MLLT3: variants seen among roughly 807,000 people sequenced by gnomAD.
The protein encoded by MLLT3 is protein AF-9.
MLLT3 carries 4 observed loss-of-function variants against 53.2 expected under a neutral mutation model. The ratio of observed to expected loss-of-function variants is 0.08; its 90% CI spans 0.04 to 0.17. MLLT3 has a LOEUF of 0.17. MLLT3 is among the 10% of genes least tolerant of loss of function. The probability of loss-of-function intolerance (pLI) is 1.00; values close to 1 mark genes in which losing one functional copy is unlikely to be tolerated. For missense variants in MLLT3, 569 were observed against 684.0 expected, an observed-to-expected ratio of 0.83 and a Z score of 1.87; for synonymous variants, 283 against 230.6, an observed-to-expected ratio of 1.23 and a Z score of -2.06.
At chr9:20,480,001 G>GT (rs1415537599) in intron 2 of MLLT3, among the ~76,000 whole-genome samples, 1 of 152,050 alleles carries the variant, frequency 6.6e-6, no homozygotes, top group Admixed American at 6.6e-5. Context: ...TATGCTTCTG[G>GT]TATTACTGCA....
At position 20,342,417 on chromosome 9, in the gene MLLT3, C is replaced by T. The variant is rs1233001384; in HGVS notation, c.*4026G>A. 1 of 222,532 alleles carries T rather than the reference C, an allele frequency of 4.5e-6. No homozygotes were observed. Among genetic ancestry groups the T allele is most frequent in the African/African-American group, 2.2e-5 (1 of 44,688 alleles). The allele number at this position is 222,532 out of a possible 1,614,324, so 13.8% of individuals were successfully genotyped here. A position where few individuals can be genotyped will look rare whatever the true frequency, so the allele number is the denominator to read the frequency against. On this transcript the variant is annotated 3_prime_UTR_variant, in exon 11 of 11. Transcript: ENST00000380338. Reference sequence around the variant, plus strand: ...TGACAGATTTATAAAATGTATTGGCCTTGCACTGTTAATCTCAATAATACA... The same window carrying T: ...TGACAGATTTATAAAATGTATTGGCTTTGCACTGTTAATCTCAATAATACA...
intron 2 of MLLT3, among the ~76,000 whole-genome samples, chr9:20,542,142 G>A (rs1402427890): frequency 1.3e-5 from 2 of 152,062 alleles, no homozygotes; most frequent in African/African-American, 4.8e-5. Context: ...CTGTAGAATG[G>A]GTGTTGTGTT....
intron 2 of MLLT3, among the ~76,000 whole-genome samples, chr9:20,619,119 A>T (rs1466783516): frequency 6.6e-6 from 1 of 152,180 alleles, no homozygotes; most frequent in African/African-American, 2.4e-5. Context: ...CAGCGATAGA[A>T]ATTTGACATC....
intron 4 of MLLT3, among the ~76,000 whole-genome samples, chr9:20,438,118 G>C (rs1823450787): frequency 6.6e-6 from 1 of 152,152 alleles, no homozygotes; most frequent in African/African-American, 2.4e-5. Flanking sequence ...CTAAACCTTT[G>C]AAAGAACATG....
chr9:20,613,134 T>A (rs1299340768), intron 2 of MLLT3, among the ~76,000 whole-genome samples: 2 of 152,092 alleles, frequency 1.3e-5, no homozygotes, highest in Non-Finnish European at 2.9e-5. Context: ...TGTGGACAGG[T>A]TCAGAAACAG....
chr9:20,402,480 C>G (rs568151546), intron 5 of MLLT3, among the ~76,000 whole-genome samples: 1 of 152,128 alleles, frequency 6.6e-6, no homozygotes, highest in Non-Finnish European at 1.5e-5. Context: ...ACTGAAGAAC[C>G]TGGAGGGTGG....
intron 10 of MLLT3, among the ~76,000 whole-genome samples, chr9:20,347,230 T>G (rs1177147901): frequency 1.3e-5 from 2 of 152,182 alleles, no homozygotes; most frequent in Non-Finnish European, 2.9e-5. Context: ...ATGTTGTCAC[T>G]TGGTGAAAAT....
chr9:20,584,307 G>T (rs1157448076), intron 2 of MLLT3, among the ~76,000 whole-genome samples: 1 of 152,118 alleles, frequency 6.6e-6, no homozygotes, highest in Non-Finnish European at 1.5e-5. Flanking sequence ...AAGTCTCTAG[G>T]AAGTTCCAAA....
chr9:20,407,369 G>A (rs574738034), intron 5 of MLLT3, among the ~76,000 whole-genome samples: 2 of 152,296 alleles, frequency 1.3e-5, no homozygotes, highest in South Asian at 4.1e-4. Context: ...TATTTTAAGT[G>A]AGGATGTGTA....
In MLLT3 at chr9:20,347,770, T is replaced by C. The variant is rs181697167; in HGVS notation, c.1576-1196A>G. Among the ~76,000 whole-genome samples, 15 of 152,288 alleles carry C rather than the reference T, an allele frequency of 9.8e-5. No homozygotes were observed. The East Asian group carries it at 2.3e-3, about 23-fold the overall frequency. On this transcript the variant is annotated intron_variant, in intron 10 of 10. Transcript: ENST00000380338. ...ACCTGATTTGAGTTGTCTGTTATTC[T>C]CTTTCTATCACTTACCTCTGATTCT...
intron 5 of MLLT3, among the ~76,000 whole-genome samples, chr9:20,382,018 C>T (rs1398077929): frequency 6.6e-6 from 1 of 151,830 alleles, no homozygotes; most frequent in Non-Finnish European, 1.5e-5. Context: ...AGATAAAATA[C>T]TTGTAAATGT....
intron 5 of MLLT3, among the ~76,000 whole-genome samples, chr9:20,383,200 A>G (rs185881370): frequency 6.6e-6 from 1 of 152,024 alleles, no homozygotes; most frequent in Admixed American, 6.6e-5. Context: ...TATATATATT[A>G]AGATGTGTTG....
intron 2 of MLLT3, among the ~76,000 whole-genome samples, chr9:20,554,622 C>A (rs1053452222): frequency 3.9e-5 from 6 of 152,156 alleles, no homozygotes; most frequent in African/African-American, 1.4e-4. Flanking sequence ...ATACTTTAAA[C>A]TTTTAACTGA....
chr9:20,573,720 T>C (rs1373447289), intron 2 of MLLT3, among the ~76,000 whole-genome samples: 4 of 152,166 alleles, frequency 2.6e-5, no homozygotes, highest in Non-Finnish European at 5.9e-5. Flanking sequence ...TGTTGCTACC[T>C]CCAAAAAGGC....
At chr9:20,373,605 T>C (rs1400537803) in intron 5 of MLLT3, among the ~76,000 whole-genome samples, 1 of 152,014 alleles carries the variant, frequency 6.6e-6, no homozygotes, top group Non-Finnish European at 1.5e-5. Flanking sequence ...TTTAAAGCAA[T>C]CAAAATAAAA....
intron 2 of MLLT3, among the ~76,000 whole-genome samples, chr9:20,513,945 G>A (rs1305717749): frequency 1.3e-5 from 2 of 152,248 alleles, no homozygotes; most frequent in African/African-American, 4.8e-5. Flanking sequence ...TGCACTGACT[G>A]TAAGGAGAAA....
intron 2 of MLLT3, among the ~76,000 whole-genome samples, chr9:20,564,347 G>T (rs1456285658): frequency 6.6e-6 from 1 of 152,080 alleles, no homozygotes; most frequent in Non-Finnish European, 1.5e-5. Flanking sequence ...ACTTAGAAAA[G>T]AGATGGCTCT....
chr9:20,618,188 T>C (rs1820885441), intron 2 of MLLT3, among the ~76,000 whole-genome samples: 1 of 152,238 alleles, frequency 6.6e-6, no homozygotes, highest in South Asian at 2.1e-4. Context: ...ATATTTTCAG[T>C]TTCTCCAATT....
At chr9:20,588,663 G>A (rs1200601789) in intron 2 of MLLT3, among the ~76,000 whole-genome samples, 1 of 152,180 alleles carries the variant, frequency 6.6e-6, no homozygotes, top group Non-Finnish European at 1.5e-5. Flanking sequence ...TGGTGTACAG[G>A]AATGCCTGTG....
Sources: allele counts gnomAD v4.1 joint callset (sites outside exome capture counted in the v4.1 genomes callset), GRCh38; gene constraint gnomAD v4.1.1; transcripts MANE v1.5; gene names NCBI Gene and HGNC (gene_info 2026-07-23, HGNC 2026-07-21).